SLC36A1: variants seen among roughly 807,000 people sequenced by gnomAD.
SLC36A1 encodes the protein proton-coupled amino acid transporter 1.
In SLC36A1, 30 loss-of-function variants were observed where a neutral mutation model predicts 47.5. That is an observed-to-expected ratio of 0.63 (90% CI 0.47 to 0.86). The LOEUF (loss-of-function observed/expected upper bound fraction) is 0.86, where lower values mean the gene tolerates loss of function less well. Among genes scored for constraint, SLC36A1 ranks in the 40% least tolerant of loss-of-function variants. The pLI is 0.00. For synonymous variants in SLC36A1, 255 were observed against 249.7 expected (o/e 1.02, Z -0.20); for missense variants, 517 against 606.0 (o/e 0.85, Z 1.54).
chr5:151,539,186 T>A, the SLC36A1 span, among the ~76,000 whole-genome samples: 1,050 of 152,308 alleles, frequency 6.9e-3, 13 homozygotes, highest in African/African-American at 0.025. Context: ...ACCCCAAATA[T>A]GGTCATCTTG....
chr5:151,417,427 C>T, the SLC36A1 span, among the ~76,000 whole-genome samples: 1 of 152,196 alleles, frequency 6.6e-6, no homozygotes, highest in African/African-American at 2.4e-5. Flanking sequence ...CTGCACAAAG[C>T]ACCAAGGCCT....
At chr5:151,499,929 C>A in the SLC36A1 span, among the ~76,000 whole-genome samples, 3 of 152,126 alleles carry the variant, frequency 2.0e-5, no homozygotes, top group Non-Finnish European at 2.9e-5. Context: ...TCCCTTCTGG[C>A]CTGCTCCTCT....
chr5:151,437,443 T>G (rs1271278432), intron 1 of SLC36A1, among the ~76,000 whole-genome samples: 1 of 152,224 alleles, frequency 6.6e-6, no homozygotes, highest in Non-Finnish European at 1.5e-5. Context: ...TAGGACTATC[T>G]TTCTGTTTTT....
At chr5:151,472,002 C>T (rs752457919) in intron 7 of SLC36A1, among the ~76,000 whole-genome samples, 1 of 152,200 alleles carries the variant, frequency 6.6e-6, no homozygotes, top group African/African-American at 2.4e-5. Flanking sequence ...CTGCCCCTTC[C>T]ACACAGTCTG....
At chr5:151,474,176 A>AAAAAAAAAAAAAAAAAAAAAAAAAAAAT (rs1757730674) in intron 8 of SLC36A1, among the ~76,000 whole-genome samples, 1 of 101,812 alleles carries the variant, frequency 9.8e-6, no homozygotes, top group African/African-American at 6.5e-5. Flanking sequence ...AAAAAAAAAA[A>AAAAAAAAAAAAAAAAAAAAAAAAAAAAT]AAAGAAATTA....
At chr5:151,521,409 C>T in the SLC36A1 span, 1 of 1,614,242 alleles carries the variant, frequency 6.2e-7, no homozygotes, top group Non-Finnish European at 8.5e-7. Context: ...AGGTTGGCCC[C>T]TGGCAGGGCA....
chr5:151,405,163 TG>T, the SLC36A1 span, among the ~76,000 whole-genome samples: 1 of 152,136 alleles, frequency 6.6e-6, no homozygotes, highest in African/African-American at 2.4e-5. Flanking sequence ...TCTTTCAGCT[TG>T]GTCTAGTTTG....
At chr5:151,544,569 G>A in the SLC36A1 span, 1 of 1,614,134 alleles carries the variant, frequency 6.2e-7, no homozygotes. Flanking sequence ...TTGGGGTATA[G>A]AGGGTGATAT....
upstream of SLC36A1, among the ~76,000 whole-genome samples, chr5:151,433,166 A>C (rs1271632360): frequency 2.3e-5 from 3 of 132,712 alleles, no homozygotes; most frequent in Admixed American, 1.7e-4. Context: ...GTAATATGAC[A>C]GGCTAGGTAA....
At chr5:151,350,845 G>A in the SLC36A1 span, among the ~76,000 whole-genome samples, 19 of 152,046 alleles carry the variant, frequency 1.2e-4, no homozygotes, top group Non-Finnish European at 2.1e-4. Context: ...AGGACTACAG[G>A]TGCATGACAC....
the SLC36A1 span, chr5:151,527,853 A>C: frequency 1.1e-5 from 13 of 1,162,262 alleles, no homozygotes; most frequent in Non-Finnish European, 1.6e-5. Context: ...GAGGCCCCAC[A>C]GAGAAAACAA....
chr5:151,474,159 CAAAAAAA>C (rs1156305401), intron 8 of SLC36A1, among the ~76,000 whole-genome samples: 1 of 59,958 alleles, frequency 1.7e-5, no homozygotes. Context: ...GACTCTGTCT[CAAAAAAA>C]AAAAAAAAAA....
chr5:151,543,070 A>G, the SLC36A1 span: 1 of 1,614,184 alleles, frequency 6.2e-7, no homozygotes, highest in Non-Finnish European at 8.5e-7. Flanking sequence ...CGGTAAGGAT[A>G]CTTTTTTAGG....
At chr5:151,442,864 A>C (rs1752705108), upstream of SLC36A1, among the ~76,000 whole-genome samples, 1 of 152,142 alleles carries the variant, frequency 6.6e-6, no homozygotes. Context: ...GACTTGAAAA[A>C]AAAGATTCCA....
At chr5:151,534,388 C>G in the SLC36A1 span, 2 of 1,575,552 alleles carry the variant, frequency 1.3e-6, no homozygotes, top group Non-Finnish European at 1.7e-6. Context: ...TGGAAATGGC[C>G]TCAATCCTTC....
chr5:151,464,470 A>T, intron 3 of SLC36A1, 44 bp from the exon 4 acceptor site: 1 of 1,538,782 alleles, frequency 6.5e-7, no homozygotes, highest in Non-Finnish European at 9.0e-7. Flanking sequence ...TCCTAATTCT[A>T]CCTACTTTTC....
intron 1 of SLC36A1, among the ~76,000 whole-genome samples, chr5:151,439,702 A>G (rs1752511405): frequency 6.6e-6 from 1 of 152,152 alleles, no homozygotes; most frequent in African/African-American, 2.4e-5. Context: ...GTTTAAAACA[A>G]TAGCATGGCC....
intron 9 of SLC36A1, among the ~76,000 whole-genome samples, chr5:151,479,024 A>T (rs903909223): frequency 2.0e-5 from 3 of 152,258 alleles, no homozygotes; most frequent in African/African-American, 4.8e-5. Context: ...GTTAAAAGCT[A>T]TACGGGGGCA....
chr5:151,521,746 T>G, the SLC36A1 span: 2 of 1,613,998 alleles, frequency 1.2e-6, no homozygotes, highest in Non-Finnish European at 8.5e-7. Context: ...CACGTACACA[T>G]GGACCCCAGC....
Sources: allele counts gnomAD v4.1 joint callset (sites outside exome capture counted in the v4.1 genomes callset), GRCh38; gene constraint gnomAD v4.1.1; transcripts MANE v1.5; gene names NCBI Gene and HGNC (gene_info 2026-07-23, HGNC 2026-07-21).